Variants in CHSY3 observed in about 807,000 individuals in gnomAD.
The protein encoded by CHSY3 is chondroitin sulfate synthase 3.
Under a neutral mutation model 67.2 loss-of-function variants are expected in CHSY3, and 35 were observed. The observed-to-expected ratio is 0.52, with a 90% confidence interval of 0.40 to 0.69. CHSY3 has a LOEUF of 0.69. CHSY3 is among the 30% of genes least tolerant of loss of function. The pLI is 0.00. For synonymous variants in CHSY3, 474 were observed against 434.7 expected (o/e 1.09, Z -1.12); for missense variants, 1,069 against 1,138.5 (o/e 0.94, Z 0.88).
chr5:129,945,948 G>A (rs72795727), intron 2 of CHSY3, among the ~76,000 whole-genome samples: 5,458 of 151,824 alleles, frequency 0.036, 123 homozygotes, highest in Non-Finnish European at 0.055. Context: ...AGAGAAAAAA[G>A]AGAGATTTTG....
chr5:130,154,874 G>C (rs1448839661), intron 2 of CHSY3, among the ~76,000 whole-genome samples: 17 of 152,158 alleles, frequency 1.1e-4, no homozygotes, highest in Non-Finnish European at 2.5e-4. Context: ...GGCAAACCCT[G>C]TACCACTAAA....
intron 2 of CHSY3, among the ~76,000 whole-genome samples, chr5:130,098,078 G>GA (rs912996669): frequency 5.3e-5 from 8 of 151,470 alleles, no homozygotes; most frequent in South Asian, 2.1e-4. Context: ...TTTTCCAATG[G>GA]AAAAAAAAGC....
At chr5:130,160,020 G>A (rs766312325) in intron 2 of CHSY3, among the ~76,000 whole-genome samples, 2 of 152,156 alleles carry the variant, frequency 1.3e-5, no homozygotes, top group Non-Finnish European at 2.9e-5. Context: ...GAAAAAGAAA[G>A]CATATGTTAC....
intron 2 of CHSY3, among the ~76,000 whole-genome samples, chr5:130,102,882 G>A (rs939612838): frequency 2.0e-5 from 3 of 151,996 alleles, no homozygotes; most frequent in Admixed American, 2.0e-4. Context: ...CTAACAGCTT[G>A]TTCTCTAAGG....
chr5:129,925,176 C>T (rs1223855086), intron 2 of CHSY3, among the ~76,000 whole-genome samples: 1 of 152,108 alleles, frequency 6.6e-6, no homozygotes, highest in African/African-American at 2.4e-5. Flanking sequence ...GACATTTGAG[C>T]CCAGAAGTAA....
At chr5:130,130,909 T>C (rs1276576007) in intron 2 of CHSY3, among the ~76,000 whole-genome samples, 1 of 152,192 alleles carries the variant, frequency 6.6e-6, no homozygotes, top group Admixed American at 6.5e-5. Flanking sequence ...AGGTTCTGTT[T>C]TCATGATTCT....
intron 2 of CHSY3, among the ~76,000 whole-genome samples, chr5:130,180,546 T>C (rs899796965): frequency 2.6e-5 from 4 of 152,180 alleles, no homozygotes; most frequent in Non-Finnish European, 5.9e-5. Context: ...TTTTGTTTTT[T>C]TAATATTTTA....
At chr5:130,179,536 ATTTC>A (rs375318747) in intron 2 of CHSY3, among the ~76,000 whole-genome samples, 166 of 151,454 alleles carry the variant, frequency 1.1e-3, no homozygotes, top group African/African-American at 3.7e-3. Context: ...TTTTTTAATC[ATTTC>A]TTTATTTCTT....
intron 2 of CHSY3, chr5:130,142,029 C>T: frequency 5.7e-6 from 1 of 175,652 alleles, no homozygotes; most frequent in Non-Finnish European, 1.2e-5. Context: ...AATTCTGTGG[C>T]CATCTTAAAG....
At chr5:130,056,721 G>A (rs1765541295) in intron 2 of CHSY3, among the ~76,000 whole-genome samples, 1 of 151,998 alleles carries the variant, frequency 6.6e-6, no homozygotes, top group African/African-American at 2.4e-5. Flanking sequence ...TCCTGACTCA[G>A]TCCTTACTAG....
intron 2 of CHSY3, among the ~76,000 whole-genome samples, chr5:130,069,572 G>A (rs985738599): frequency 1.1e-4 from 16 of 151,926 alleles, no homozygotes; most frequent in African/African-American, 3.9e-4. Flanking sequence ...ACATGCCATG[G>A]CCTATTTGGT....
chr5:130,074,716 A>T (rs1003900190), intron 2 of CHSY3, among the ~76,000 whole-genome samples: 5 of 152,172 alleles, frequency 3.3e-5, no homozygotes, highest in Non-Finnish European at 7.4e-5. Flanking sequence ...AAGACTGTTC[A>T]TTCCTTCAGT....
chr5:129,931,571 G>A (rs958965450), intron 2 of CHSY3, among the ~76,000 whole-genome samples: 1 of 152,104 alleles, frequency 6.6e-6, no homozygotes, highest in Non-Finnish European at 1.5e-5. Context: ...TGGCCACAGT[G>A]GCTTTTGCTT....
intron 2 of CHSY3, among the ~76,000 whole-genome samples, chr5:130,116,215 T>C (rs1767794676): frequency 6.6e-6 from 1 of 152,172 alleles, no homozygotes; most frequent in African/African-American, 2.4e-5. Flanking sequence ...AGGACATTTA[T>C]ACTCCCACAG....
At chr5:130,024,235 C>A (rs1464303656) in intron 2 of CHSY3, among the ~76,000 whole-genome samples, 4 of 149,654 alleles carry the variant, frequency 2.7e-5, no homozygotes, top group East Asian at 4.0e-4. Context: ...AATCTAAATT[C>A]TTTCCACATT....
At chr5:129,970,829 A>G (rs993055521) in intron 2 of CHSY3, among the ~76,000 whole-genome samples, 1 of 151,908 alleles carries the variant, frequency 6.6e-6, no homozygotes, top group Non-Finnish European at 1.5e-5. Flanking sequence ...GAATTTGGTA[A>G]ATGTCCAAAC....
intron 2 of CHSY3, among the ~76,000 whole-genome samples, chr5:130,069,457 C>T (rs1278629007): frequency 6.6e-6 from 1 of 151,830 alleles, no homozygotes; most frequent in Non-Finnish European, 1.5e-5. Context: ...CAAGACCAGC[C>T]TGAGCAATAT....
chr5:129,974,124 G>A (rs571527763), intron 2 of CHSY3, among the ~76,000 whole-genome samples: 2 of 152,032 alleles, frequency 1.3e-5, no homozygotes, highest in Non-Finnish European at 2.9e-5. Context: ...CTATTTTGGG[G>A]CAAATGAGAT....
intron 2 of CHSY3, among the ~76,000 whole-genome samples, chr5:130,041,695 T>A (rs960525857): frequency 6.6e-6 from 1 of 152,220 alleles, no homozygotes; most frequent in Admixed American, 6.5e-5. Flanking sequence ...GTCATTAAAT[T>A]TTCCTTTTTT....
Sources: gnomAD v4.1 joint callset for allele counts (sites outside exome capture counted in the v4.1 genomes callset) on GRCh38, gnomAD v4.1.1 for gene constraint, MANE v1.5 for transcripts, NCBI Gene and HGNC (gene_info 2026-07-23, HGNC 2026-07-21) for gene names.